CCDC171: variants seen among roughly 807,000 people sequenced by gnomAD.
CCDC171 encodes coiled-coil domain-containing protein 171.
In CCDC171, 177 loss-of-function variants were observed where a neutral mutation model predicts 168.2. That is an observed-to-expected ratio of 1.05 (90% CI 0.93 to 1.19). The LOEUF is 1.19. Ranked by LOEUF, CCDC171 falls within the 50% of genes most tolerant of loss-of-function variation. The probability of loss-of-function intolerance (pLI) is 0.00; values close to 1 mark genes in which losing one functional copy is unlikely to be tolerated. For synonymous variants in CCDC171, 687 were observed against 540.8 expected (o/e 1.27, Z -3.75); for missense variants, 1,991 against 1,539.0 (o/e 1.29, Z -4.91).
In CCDC171 at chr9:16,061,184, T is replaced by C. The variant is rs369010024; in HGVS notation, n.628T>C. 16 of 152,370 alleles carry C rather than the reference T, an allele frequency of 1.1e-4. No homozygotes were observed. In the East Asian group the frequency reaches 1.5e-3, roughly 15 times the overall value. 9.4% of individuals were successfully genotyped at this position (152,370 alleles called of 1,614,324 possible). ...TGGTCATTTCCTTTGCCTCAGTGGC[T>C]TTCTATAAAATGGAATTCTATAGGG... On this transcript the variant is annotated non_coding_transcript_exon_variant, in exon 2 of 2. Transcript: ENST00000478913.
chr9:15,569,353 A>T (rs1225186891), intron 2 of CCDC171, among the ~76,000 whole-genome samples: 1 of 152,216 alleles, frequency 6.6e-6, no homozygotes, highest in Admixed American at 6.5e-5. Flanking sequence ...TCATAAAAGT[A>T]CCAATCTCAT....
intron 18 of CCDC171, among the ~76,000 whole-genome samples, chr9:15,765,793 A>C (rs1473149865): frequency 6.6e-6 from 1 of 152,166 alleles, no homozygotes; most frequent in African/African-American, 2.4e-5. Flanking sequence ...GGAAAGAAAG[A>C]GCAGCAAGGA....
intron 21 of CCDC171, among the ~76,000 whole-genome samples, chr9:15,807,609 A>G (rs2059138705): frequency 6.6e-6 from 1 of 151,962 alleles, no homozygotes; most frequent in Admixed American, 6.6e-5. Flanking sequence ...CTCTCTGGAA[A>G]TTGCTTACTA....
intron 18 of CCDC171, among the ~76,000 whole-genome samples, chr9:15,754,170 GT>G (rs2055942336): frequency 2.0e-5 from 3 of 152,184 alleles, no homozygotes; most frequent in African/African-American, 7.2e-5. Context: ...ATATAGTCAT[GT>G]GGAGTTTCCA....
In CCDC171 at chr9:15,689,384, A is replaced by G. The variant is rs76244289; in HGVS notation, c.1216-5851A>G. Among the ~76,000 whole-genome samples the G allele has an allele frequency of 4.0e-3, 608 of 152,256 alleles. 2 individuals carry two copies. Among genetic ancestry groups the G allele is most frequent in the African/African-American group, 0.014 (594 of 41,538 alleles). On this transcript the variant is annotated intron_variant, in intron 10 of 25. Coordinates refer to ENST00000380701, the MANE Select transcript of CCDC171 (RefSeq NM_173550.4). ...AATGAACTTTTAGTTGTCTTTTTGC[A>G]GAAATTGACAAGCAGATCCTAAAAC...
chr9:15,827,277 G>T (rs77468861), intron 21 of CCDC171, among the ~76,000 whole-genome samples: 444 of 152,250 alleles, frequency 2.9e-3, no homozygotes, highest in African/African-American at 9.7e-3. Flanking sequence ...TGGAAGGGGG[G>T]ACATGTGGGT....
At chr9:16,070,363 G>C in the CCDC171 span, among the ~76,000 whole-genome samples, 2 of 152,218 alleles carry the variant, frequency 1.3e-5, no homozygotes, top group Non-Finnish European at 2.9e-5. Context: ...ACTGGAAAAA[G>C]TACCTGCTGG....
the CCDC171 span, among the ~76,000 whole-genome samples, chr9:16,098,071 T>C: frequency 6.6e-6 from 1 of 152,208 alleles, no homozygotes; most frequent in East Asian, 1.9e-4. Context: ...GTAGCCTTTG[T>C]AGCCAAGTGT....
intron 7 of CCDC171, among the ~76,000 whole-genome samples, chr9:15,628,906 T>A (rs1347975806): frequency 6.6e-6 from 1 of 152,186 alleles, no homozygotes. Flanking sequence ...CCGCTGCTGG[T>A]ACCCAGGCAA....
chr9:16,095,533 G>T, the CCDC171 span, among the ~76,000 whole-genome samples: 1 of 151,078 alleles, frequency 6.6e-6, no homozygotes, highest in Non-Finnish European at 1.5e-5. Context: ...TCACACACAC[G>T]CTCTCTCTTT....
At chr9:15,657,003 GA>G (rs539421773) in intron 7 of CCDC171, 123 bp from the exon 8 acceptor site, 14,901 of 379,826 alleles carry the variant, frequency 0.039, no homozygotes, top group Middle Eastern at 0.052. Flanking sequence ...TTCTTGCAAA[GA>G]AAAAAAAAAA....
At chr9:15,654,191 T>C (rs1274260503) in intron 7 of CCDC171, among the ~76,000 whole-genome samples, 3 of 152,144 alleles carry the variant, frequency 2.0e-5, no homozygotes, top group Admixed American at 2.0e-4. Context: ...TTTGGATTTA[T>C]TGCTTTCTGT....
chr9:15,792,856 C>G (rs897830526), intron 21 of CCDC171, among the ~76,000 whole-genome samples: 1 of 152,048 alleles, frequency 6.6e-6, no homozygotes, highest in African/African-American at 2.4e-5. Flanking sequence ...CCAGTACCAG[C>G]CACTGCAAAA....
chr9:16,087,034 G>T, the CCDC171 span, among the ~76,000 whole-genome samples: 1 of 152,120 alleles, frequency 6.6e-6, no homozygotes, highest in African/African-American at 2.4e-5. Context: ...ATGTAGTTGT[G>T]CGGTTTTGAG....
At chr9:15,932,216 A>G (rs1053542369) in intron 25 of CCDC171, among the ~76,000 whole-genome samples, 1 of 151,952 alleles carries the variant, frequency 6.6e-6, no homozygotes, top group African/African-American at 2.4e-5. Context: ...GGCCATTTTA[A>G]CAATATTAAT....
At chr9:15,796,656 G>T (rs1417795546) in intron 21 of CCDC171, among the ~76,000 whole-genome samples, 1 of 152,100 alleles carries the variant, frequency 6.6e-6, no homozygotes, top group Admixed American at 6.5e-5. Context: ...GTTGGGGAGG[G>T]TGTTGGCAGG....
At chr9:15,775,348 C>A (rs1435174405) in intron 18 of CCDC171, among the ~76,000 whole-genome samples, 1 of 152,130 alleles carries the variant, frequency 6.6e-6, no homozygotes, top group Non-Finnish European at 1.5e-5. Context: ...AAGTAAAAAA[C>A]CTTATTTGTT....
At chr9:15,743,271 T>C (rs2134615682) in intron 16 of CCDC171, among the ~76,000 whole-genome samples, 1 of 151,670 alleles carries the variant, frequency 6.6e-6, no homozygotes, top group East Asian at 1.9e-4. Context: ...ATTCAATTGA[T>C]TCTCTGACCT....
chr9:16,016,691 A>G (rs751957653), intron 3 of CCDC171, among the ~76,000 whole-genome samples: 1 of 152,306 alleles, frequency 6.6e-6, no homozygotes, highest in East Asian at 1.9e-4. Context: ...CCTAATACGA[A>G]AAACAGGTTG....
Sources: gnomAD v4.1 joint callset for allele counts (sites outside exome capture counted in the v4.1 genomes callset) on GRCh38, gnomAD v4.1.1 for gene constraint, MANE v1.5 for transcripts, NCBI Gene and HGNC (gene_info 2026-07-23, HGNC 2026-07-21) for gene names.